RBFOX2: variants seen among roughly 807,000 people sequenced by gnomAD.
RBFOX2 encodes RNA binding fox-1 homolog 2, also known as RNA binding protein fox-1 homolog 2.
RBFOX2 carries 10 observed loss-of-function variants against 49.1 expected under a neutral mutation model. That is an observed-to-expected ratio of 0.20 (90% CI 0.13 to 0.35). RBFOX2 has a LOEUF of 0.35. RBFOX2 is among the 10% of genes least tolerant of loss of function. The pLI is 1.00. For synonymous variants in RBFOX2, 183 were observed against 187.4 expected, an observed-to-expected ratio of 0.98 and a Z score of 0.19; for missense variants, 323 against 486.9, an observed-to-expected ratio of 0.66 and a Z score of 3.17.
At chr22:35,976,997 G>C (rs1380171794) in intron 1 of RBFOX2, among the ~76,000 whole-genome samples, 1 of 149,796 alleles carries the variant, frequency 6.7e-6, no homozygotes, top group Non-Finnish European at 1.5e-5. Context: ...AAAAGCAAAT[G>C]AACCACTCAT....
chr22:35,897,249 T>C (rs772476401), intron 1 of RBFOX2: 4 of 1,446,564 alleles, frequency 2.8e-6, no homozygotes, highest in Non-Finnish European at 3.9e-6. Context: ...AAACCAAGAG[T>C]TGCTCGGGAG....
chr22:35,793,260 G>C (rs1948132993), intron 2 of RBFOX2, among the ~76,000 whole-genome samples: 1 of 152,210 alleles, frequency 6.6e-6, no homozygotes, highest in South Asian at 2.1e-4. Context: ...TGTAATTCCA[G>C]CTACTTGGAG....
chr22:35,807,431 A>C (rs1007708713), intron 2 of RBFOX2, among the ~76,000 whole-genome samples: 2 of 152,110 alleles, frequency 1.3e-5, no homozygotes, highest in Non-Finnish European at 2.9e-5. Context: ...ATTATAAATC[A>C]ATAAAAGAAA....
chr22:35,810,941 T>C (rs1306933243), intron 1 of RBFOX2, among the ~76,000 whole-genome samples: 1 of 152,176 alleles, frequency 6.6e-6, no homozygotes, highest in African/African-American at 2.4e-5. Flanking sequence ...ACAAAAAATA[T>C]ATCATCAATA....
chr22:35,937,521 C>G (rs532597127), intron 1 of RBFOX2, among the ~76,000 whole-genome samples: 1 of 152,162 alleles, frequency 6.6e-6, no homozygotes, highest in Non-Finnish European at 1.5e-5. Flanking sequence ...ATCTGAAAGG[C>G]CTGCAAATAG....
intron 9 of RBFOX2, among the ~76,000 whole-genome samples, chr22:35,750,676 T>C (rs533309704): frequency 3.3e-5 from 5 of 152,366 alleles, no homozygotes; most frequent in Non-Finnish European, 7.3e-5. Flanking sequence ...CCAGTGGGGC[T>C]GCCCAGTGCT....
At chr22:35,988,564 G>GTTAC (rs1235978834) in intron 1 of RBFOX2, among the ~76,000 whole-genome samples, 1 of 152,108 alleles carries the variant, frequency 6.6e-6, no homozygotes, top group African/African-American at 2.4e-5. Flanking sequence ...AGATCTCAAA[G>GTTAC]GTAAGGGTTA....
intron 1 of RBFOX2, chr22:35,897,527 C>T (rs978984265): frequency 1.8e-5 from 15 of 826,892 alleles, no homozygotes; most frequent in East Asian, 9.7e-5. Flanking sequence ...GCAAGGGGTA[C>T]GGGAGGAAGT....
intron 1 of RBFOX2, among the ~76,000 whole-genome samples, chr22:35,938,619 T>C (rs1431003193): frequency 2.0e-5 from 3 of 152,232 alleles, no homozygotes; most frequent in African/African-American, 7.2e-5. Context: ...ATCATGACTG[T>C]GCTTGAGTGA....
chr22:35,755,956 AATAT>A (rs148877037), intron 9 of RBFOX2, 145 bp downstream of exon 11: 979 of 329,944 alleles, frequency 3.0e-3, no homozygotes, highest in Middle Eastern at 6.1e-3. Flanking sequence ...TAAATATATA[AATAT>A]ATATATATAT....
chr22:35,904,887 T>A (rs974032383), intron 1 of RBFOX2, among the ~76,000 whole-genome samples: 2 of 152,230 alleles, frequency 1.3e-5, no homozygotes, highest in African/African-American at 4.8e-5. Flanking sequence ...ACTAGCCACA[T>A]GTCAAGTGCT....
chr22:35,937,831 C>T (rs2053267206), intron 1 of RBFOX2, among the ~76,000 whole-genome samples: 1 of 152,102 alleles, frequency 6.6e-6, no homozygotes, highest in Non-Finnish European at 1.5e-5. Flanking sequence ...CCTCATGATC[C>T]ACCCACCTTG....
intron 1 of RBFOX2, among the ~76,000 whole-genome samples, chr22:35,825,163 T>G (rs1027619408): frequency 2.0e-5 from 3 of 152,222 alleles, no homozygotes; most frequent in African/African-American, 4.8e-5. Context: ...GAGGTTGCAG[T>G]GAGCCATGAT....
At chr22:35,756,507 G>T (rs1157390534) in intron 9 of RBFOX2, among the ~76,000 whole-genome samples, 1 of 152,128 alleles carries the variant, frequency 6.6e-6, no homozygotes, top group Non-Finnish European at 1.5e-5. Context: ...TTAAAAATAA[G>T]CTTGCCCTAG....
At chr22:35,821,906 G>A (rs374974751) in intron 1 of RBFOX2, 6 of 518,898 alleles carry the variant, frequency 1.2e-5, no homozygotes, top group South Asian at 7.0e-5. Context: ...GGAGGAGCAG[G>A]AAATGGGAGG....
At chr22:35,839,242 T>C (rs1958262774) in intron 1 of RBFOX2, among the ~76,000 whole-genome samples, 1 of 152,216 alleles carries the variant, frequency 6.6e-6, no homozygotes, top group Non-Finnish European at 1.5e-5. Context: ...AAAAGGGTAA[T>C]GGAGCGTACA....
chr22:35,916,301 T>C (rs1166146348), intron 1 of RBFOX2, among the ~76,000 whole-genome samples: 1 of 152,196 alleles, frequency 6.6e-6, no homozygotes, highest in Non-Finnish European at 1.5e-5. Context: ...TGTTTGTTTG[T>C]GACAGGGTCT....
At chr22:35,855,754 G>A (rs1340561125) in intron 1 of RBFOX2, among the ~76,000 whole-genome samples, 1 of 152,084 alleles carries the variant, frequency 6.6e-6, no homozygotes, top group Non-Finnish European at 1.5e-5. Context: ...GTCGGGCACA[G>A]TGGGTCACAC....
chr22:35,849,288 TACACACACAAAC>T (rs1427772219), intron 1 of RBFOX2, among the ~76,000 whole-genome samples: 264 of 96,954 alleles, frequency 2.7e-3, no homozygotes, highest in African/African-American at 0.013. Flanking sequence ...CACACACACA[TACACACACAAAC>T]ACACACACAC....
Sources: allele counts gnomAD v4.1 joint callset (sites outside exome capture counted in the v4.1 genomes callset), GRCh38; gene constraint gnomAD v4.1.1; transcripts MANE v1.5; gene names NCBI Gene and HGNC (gene_info 2026-07-23, HGNC 2026-07-21).